Variants in TBC1D5 observed in about 807,000 individuals in gnomAD.
The protein encoded by TBC1D5 is TBC1 domain family, member 5.
A neutral mutation model predicts 100.3 loss-of-function variants in TBC1D5; 75 were observed. The observed-to-expected ratio is 0.75, with a 90% CI of 0.62 to 0.91. The LOEUF is 0.91. Ranked by LOEUF, TBC1D5 falls within the 40% of genes least tolerant of loss-of-function variation. TBC1D5 has a pLI of 0.00. For missense variants in TBC1D5, 910 were observed against 942.4 expected, an observed-to-expected ratio of 0.97 and a Z score of 0.45; for synonymous variants, 323 against 325.6, an observed-to-expected ratio of 0.99 and a Z score of 0.09.
intron 2 of TBC1D5, among the ~76,000 whole-genome samples, chr3:17,575,652 G>A (rs1178076902): frequency 6.6e-6 from 1 of 152,092 alleles, no homozygotes; most frequent in Non-Finnish European, 1.5e-5. Context: ...CTATGATGGG[G>A]AGGATTCGTT....
intron 3 of TBC1D5, among the ~76,000 whole-genome samples, chr3:17,455,165 TACAC>T (rs549322724): frequency 7.1e-5 from 10 of 140,810 alleles, no homozygotes; most frequent in Admixed American, 1.4e-4. Context: ...AAAAAAAGTA[TACAC>T]ACACACACAC....
chr3:17,314,793 T>C (rs1347476547), intron 13 of TBC1D5, among the ~76,000 whole-genome samples: 1 of 152,174 alleles, frequency 6.6e-6, no homozygotes, highest in Non-Finnish European at 1.5e-5. Flanking sequence ...CATGCATTCA[T>C]GTAAAATGTT....
rs531048569 is a variant in TBC1D5, at chr3:17,485,227, A to G, written c.97+23247T>C. On this transcript the variant is annotated intron_variant, in intron 3 of 21. Transcript: ENST00000253692. ...TTCCTCTGTTTATATGCCTGAAAAC[A>G]TTATTACTTTCTATGCTCTCTATAT... Among the ~76,000 whole-genome samples, 18 of 152,108 alleles carry G rather than the reference A, an allele frequency of 1.2e-4. No individual in the cohort carries two copies. The East Asian group carries it at 3.5e-3, about 29-fold the overall frequency.
At chr3:17,687,776 A>C (rs936562063) in intron 1 of TBC1D5, among the ~76,000 whole-genome samples, 3 of 152,202 alleles carry the variant, frequency 2.0e-5, no homozygotes, top group African/African-American at 7.2e-5. Flanking sequence ...ATTCCACCTT[A>C]TATCTTATAA....
chr3:17,706,628 G>A (rs1017581748), intron 1 of TBC1D5, among the ~76,000 whole-genome samples: 2 of 151,714 alleles, frequency 1.3e-5, no homozygotes, highest in Non-Finnish European at 2.9e-5. Flanking sequence ...AAAATCAACC[G>A]GAGATAATGC....
At chr3:17,404,239 G>A (rs1165274243) in intron 7 of TBC1D5, among the ~76,000 whole-genome samples, 1 of 151,926 alleles carries the variant, frequency 6.6e-6, no homozygotes, top group Non-Finnish European at 1.5e-5. Context: ...TGTCTTCACT[G>A]GAATATGAAT....
rs2125419277 is a variant in TBC1D5, at chr3:17,180,667, C to CGTT, written c.1852+4441_1852+4442insAAC. Among the ~76,000 whole-genome samples, 3 of 152,230 alleles carry CGTT rather than the reference C, an allele frequency of 2.0e-5. 1 individual carries two copies. The South Asian group carries it at 6.2e-4, about 32-fold the overall frequency. ...GAGGCCATTATGCTAAGTGAAACCA[C>CGTT]TCAGAAATAGTCAAATTCTGCATGT... On this transcript the variant is annotated intron_variant, in intron 19 of 21. Coordinates refer to ENST00000253692, the Ensembl canonical transcript of TBC1D5.
rs555863042 is a variant in TBC1D5 at position 17,713,786 on chromosome 3, C to T, written c.-101+25557G>A. 1.6e-3 allele frequency among the ~76,000 whole-genome samples: 246 copies of T among 152,198 alleles called. 2 individuals carry two copies. The highest frequency in any genetic ancestry group is 3.1e-3 in the Non-Finnish European group (208 of 68,004). On this transcript the variant is annotated intron_variant, in intron 1 of 21. Coordinates refer to ENST00000253692, the Ensembl canonical transcript of TBC1D5. ...GCCAGAAAGCACATGAAAACATGCT[C>T]AACATCATTAGTCATCATGGAAATG...
At chr3:17,715,963 G>A (rs192180637) in intron 1 of TBC1D5, among the ~76,000 whole-genome samples, 9 of 152,138 alleles carry the variant, frequency 5.9e-5, no homozygotes, top group East Asian at 1.9e-4. Context: ...GAGGCTGAAC[G>A]ATCACTTGAA....
chr3:17,542,353 G>T (rs533684210), intron 2 of TBC1D5, among the ~76,000 whole-genome samples: 129 of 152,114 alleles, frequency 8.5e-4, no homozygotes, highest in Non-Finnish European at 1.6e-3. Flanking sequence ...TGTGAATGTG[G>T]TATCTTTCTC....
intron 17 of TBC1D5, 71 bp from the exon 19 acceptor site, chr3:17,214,441 T>C (rs2073380244): frequency 2.0e-6 from 3 of 1,480,108 alleles, no homozygotes; most frequent in Non-Finnish European, 9.2e-7. Context: ...CTACTGTTTT[T>C]AATAAATGAT....
intron 16 of TBC1D5, among the ~76,000 whole-genome samples, chr3:17,253,388 G>A (rs1381931562): frequency 6.6e-6 from 1 of 152,170 alleles, no homozygotes; most frequent in Non-Finnish European, 1.5e-5. Context: ...TGCTCTTTCT[G>A]AAGAGAGTTG....
chr3:17,470,684 G>A (rs2095362274), intron 3 of TBC1D5, among the ~76,000 whole-genome samples: 1 of 152,104 alleles, frequency 6.6e-6, no homozygotes, highest in Non-Finnish European at 1.5e-5. Context: ...CACTTTGGGA[G>A]GCCGGGGTGG....
chr3:17,222,532 T>C (rs1258073270), intron 17 of TBC1D5, among the ~76,000 whole-genome samples: 2 of 152,212 alleles, frequency 1.3e-5, no homozygotes, highest in Non-Finnish European at 1.5e-5. Flanking sequence ...AAGATACTAG[T>C]TCAAAACAAC....
chr3:17,173,868 A>C (rs2067420584), intron 19 of TBC1D5, among the ~76,000 whole-genome samples: 1 of 152,168 alleles, frequency 6.6e-6, no homozygotes, highest in Non-Finnish European at 1.5e-5. Flanking sequence ...GGTGGCCATT[A>C]GTCAGAGAGA....
intron 3 of TBC1D5, among the ~76,000 whole-genome samples, chr3:17,493,248 A>C (rs2095661651): frequency 6.6e-6 from 1 of 150,842 alleles, no homozygotes; most frequent in African/African-American, 2.4e-5. Context: ...TTTTTTTTTA[A>C]GAATGTTGAA....
chr3:17,697,445 TTCCTATATAC>T (rs1457640826), intron 1 of TBC1D5, among the ~76,000 whole-genome samples: 1 of 152,160 alleles, frequency 6.6e-6, no homozygotes, highest in Non-Finnish European at 1.5e-5. Context: ...ATCACAAGCA[TTCCTATATAC>T]AAATAACAGA....
intron 3 of TBC1D5, among the ~76,000 whole-genome samples, chr3:17,451,569 T>TC (rs2094928060): frequency 6.6e-6 from 1 of 152,160 alleles, no homozygotes; most frequent in Non-Finnish European, 1.5e-5. Context: ...ATAAATTAGT[T>TC]CAACTATTGT....
intron 2 of TBC1D5, among the ~76,000 whole-genome samples, chr3:17,613,463 T>C (rs1272453440): frequency 6.6e-6 from 1 of 152,250 alleles, no homozygotes; most frequent in Non-Finnish European, 1.5e-5. Flanking sequence ...ATCGCCACAC[T>C]GCCTTCCACA....
Sources: gnomAD v4.1 joint callset for allele counts (sites outside exome capture counted in the v4.1 genomes callset) on GRCh38, gnomAD v4.1.1 for gene constraint, MANE v1.5 for transcripts, NCBI Gene and HGNC (gene_info 2026-07-23, HGNC 2026-07-21) for gene names.